PAFAH1B1: variants seen among roughly 807,000 people sequenced by gnomAD.
PAFAH1B1 encodes platelet-activating factor acetylhydrolase IB subunit beta.
Under a neutral mutation model 57.5 loss-of-function variants are expected in PAFAH1B1, and 2 were observed. That is an observed-to-expected ratio of 0.03 (90% confidence interval 0.01 to 0.11). PAFAH1B1 has a LOEUF of 0.11. Among genes scored for constraint, PAFAH1B1 ranks in the 10% least tolerant of loss-of-function variants. The pLI is 1.00. For missense variants in PAFAH1B1, 257 were observed against 512.0 expected (o/e 0.50, Z 4.81); for synonymous variants, 152 against 169.6 (o/e 0.90, Z 0.81).
chr17:2,646,756 A>T (rs1376296761), intron 2 of PAFAH1B1, among the ~76,000 whole-genome samples: 1 of 152,240 alleles, frequency 6.6e-6, no homozygotes, highest in African/African-American at 2.4e-5. Flanking sequence ...ACTTGAATAG[A>T]TCATTAAATA....
At chr17:2,625,059 G>C (rs1488594511) in intron 1 of PAFAH1B1, among the ~76,000 whole-genome samples, 1 of 139,384 alleles carries the variant, frequency 7.2e-6, no homozygotes, top group Non-Finnish European at 1.5e-5. Context: ...TTCTCTTTTT[G>C]TGGTGGGGTA....
At chr17:2,608,073 T>C (rs2068226311) in intron 1 of PAFAH1B1, among the ~76,000 whole-genome samples, 1 of 152,102 alleles carries the variant, frequency 6.6e-6, no homozygotes, top group Admixed American at 6.6e-5. Flanking sequence ...TTATATATGA[T>C]ACCATATTTT....
At chr17:2,610,593 A>G (rs751268530) in intron 1 of PAFAH1B1, among the ~76,000 whole-genome samples, 14 of 152,220 alleles carry the variant, frequency 9.2e-5, no homozygotes, top group Non-Finnish European at 1.6e-4. Flanking sequence ...GTCTTGGGCT[A>G]CACATAAAAT....
chr17:2,612,639 G>A (rs2068280549), intron 1 of PAFAH1B1, among the ~76,000 whole-genome samples: 2 of 152,222 alleles, frequency 1.3e-5, no homozygotes, highest in South Asian at 4.1e-4. Flanking sequence ...TTGAGAAGGG[G>A]ACTCTGTCCC....
intron 1 of PAFAH1B1, among the ~76,000 whole-genome samples, chr17:2,631,626 G>T (rs1178346181): frequency 1.3e-5 from 2 of 152,180 alleles, no homozygotes; most frequent in African/African-American, 2.4e-5. Context: ...TCTCTAGTGG[G>T]GGTGTGTGCT....
intron 2 of PAFAH1B1, among the ~76,000 whole-genome samples, chr17:2,655,950 G>A (rs987613796): frequency 6.6e-6 from 1 of 152,236 alleles, no homozygotes; most frequent in Non-Finnish European, 1.5e-5. Context: ...TTGAGACTGA[G>A]TCTCCATCTG....
intron 1 of PAFAH1B1, among the ~76,000 whole-genome samples, chr17:2,623,824 A>G (rs2068454352): frequency 6.9e-6 from 1 of 145,152 alleles, no homozygotes; most frequent in African/African-American, 2.6e-5. Flanking sequence ...TTTTTAGTAG[A>G]GATGGGGTTT....
chr17:2,605,633 C>T (rs577447537), intron 1 of PAFAH1B1, among the ~76,000 whole-genome samples: 6 of 152,180 alleles, frequency 3.9e-5, no homozygotes, highest in Admixed American at 6.6e-5. Context: ...CCCTTACTTA[C>T]GCTTCAAATC....
chr17:2,621,325 A>G (rs188009776), intron 1 of PAFAH1B1, among the ~76,000 whole-genome samples: 92 of 152,246 alleles, frequency 6.0e-4, no homozygotes, highest in African/African-American at 2.2e-3. Context: ...AACATGCGCT[A>G]TTTGGCTTTG....
At chr17:2,681,154 C>A (rs2069378289) in intron 10 of PAFAH1B1, 2 of 152,802 alleles carry the variant, frequency 1.3e-5, no homozygotes, top group South Asian at 2.1e-4. Context: ...CAGGTCAAAA[C>A]TCCCTTGCTG....
intron 1 of PAFAH1B1, among the ~76,000 whole-genome samples, chr17:2,631,290 A>G (rs1159634631): frequency 2.0e-5 from 3 of 152,146 alleles, no homozygotes; most frequent in East Asian, 1.9e-4. Context: ...GGCCCAGGCT[A>G]TCTGCCTCCC....
rs369526575 is a variant in PAFAH1B1, at chr17:2,652,414, C to CAAACA, written c.33-12944_33-12940dup. 2.5e-3 allele frequency among the ~76,000 whole-genome samples: 379 copies of CAAACA among 152,350 alleles called. 4 individuals carry two copies. Among genetic ancestry groups the CAAACA allele is most frequent in the African/African-American group, 8.5e-3 (355 of 41,582 alleles). On this transcript the variant is annotated intron_variant, in intron 2 of 10. Coordinates refer to ENST00000397195, the MANE Select transcript of PAFAH1B1 (RefSeq NM_000430.4). ...TGGGCGGCAGAGCGAGACTCCGTCT[C>CAAACA]AAACAAAACAAAACAAAAACCAAAA...
rs60605750 is a variant in PAFAH1B1 at position 2,660,992 on chromosome 17, C to T, written c.33-4380C>T. 3.0e-3 allele frequency among the ~76,000 whole-genome samples: 456 copies of T among 152,250 alleles called. 1 individual carries two copies. The highest frequency in any genetic ancestry group is 9.8e-3 in the African/African-American group (407 of 41,544). The stretch of plus-strand genomic sequence containing the variant: ...CATTGTGGTTTTGATTTGCATTTCT[C>T]TAATGATCAGTGATGTTGAGCTTTT... On this transcript the variant is annotated intron_variant, in intron 2 of 10. Coordinates refer to ENST00000397195, the MANE Select transcript of PAFAH1B1 (RefSeq NM_000430.4).
In PAFAH1B1 at chr17:2,674,156, G is replaced by T; in HGVS notation, c.768G>T (p.Gln256His). ...GTLIASCSNDQTVRVWVVATK... is the reference protein window; with the variant it reads ...GTLIASCSNDHTVRVWVVATK... Reference sequence around the variant, plus strand: ...TGATAGCCAGCTGTTCCAATGACCAGACTGTGCGTGTATGGGTCGTAGCAA... The same window carrying T: ...TGATAGCCAGCTGTTCCAATGACCATACTGTGCGTGTATGGGTCGTAGCAA... Residue 256 changes from glutamine to histidine, a missense_variant, in exon 8 of 11, where the codon CAG becomes CAT. Transcript: ENST00000397195. The T allele has an allele frequency of 6.2e-7, 1 of 1,614,064 alleles. No individual in the cohort carries two copies. The highest frequency in any genetic ancestry group is 8.5e-7 in the Non-Finnish European group (1 of 1,179,968).
intron 2 of PAFAH1B1, chr17:2,659,442 C>A: frequency 3.6e-6 from 1 of 279,664 alleles, no homozygotes; most frequent in Admixed American, 4.3e-5. Context: ...GAGGCTGAGC[C>A]AGGAGAATCG....
chr17:2,642,937 C>G (rs987363838), intron 2 of PAFAH1B1, among the ~76,000 whole-genome samples: 10 of 152,186 alleles, frequency 6.6e-5, no homozygotes, highest in African/African-American at 2.4e-4. Flanking sequence ...AAGTGTTACT[C>G]TCTTCTGAAT....
chr17:2,626,566 C>CTG (rs1201383372), intron 1 of PAFAH1B1, among the ~76,000 whole-genome samples: 2 of 68,474 alleles, frequency 2.9e-5, no homozygotes, highest in Non-Finnish European at 7.8e-5. Context: ...CCCCCCCCCC[C>CTG]CCCCCGAGGC....
At chr17:2,593,606 G>T, upstream of PAFAH1B1, 1 of 215,210 alleles carries the variant, frequency 4.6e-6, no homozygotes, top group Non-Finnish European at 9.1e-6. Context: ...CGGCGGCGGC[G>T]GCGGCGGCGG....
Position 2,594,004 on chromosome 17 carries a change from C to G in PAFAH1B1, c.-193C>G. 1 of 397,464 alleles carries G rather than the reference C, an allele frequency of 2.5e-6. No individual in the cohort carries two copies. Among genetic ancestry groups the G allele is most frequent in the Admixed American group, 4.4e-5 (1 of 22,666 alleles). The allele number at this position is 397,464 out of a possible 1,614,324, so 24.6% of individuals were successfully genotyped here. ...CCTGCGGAGGCGGCGGTGCAGCGCT[C>G]CGGTAAGGCGGCGCGGGTCTGCGCC... On this transcript the variant is annotated splice_region_variant and 5_prime_UTR_variant, in exon 1 of 11. Transcript: ENST00000397195.
Sources: gnomAD v4.1 joint callset for allele counts (sites outside exome capture counted in the v4.1 genomes callset) on GRCh38, gnomAD v4.1.1 for gene constraint, MANE v1.5 for transcripts, NCBI Gene and HGNC (gene_info 2026-07-23, HGNC 2026-07-21) for gene names.